The following PDK3 variants were observed in gnomAD, a reference collection of about 807,000 sequenced individuals.
The protein encoded by PDK3 is pyruvate dehydrogenase kinase, isozyme 3.
A neutral mutation model predicts 32.0 loss-of-function variants in PDK3; 12 were observed. The ratio of observed to expected loss-of-function variants is 0.37; its 90% confidence interval spans 0.24 to 0.61. The LOEUF (loss-of-function observed/expected upper bound fraction) is 0.61, where lower values mean the gene tolerates loss of function less well. Among genes scored for constraint, PDK3 ranks in the 20% least tolerant of loss-of-function variants. PDK3 has a pLI of 0.65. For synonymous variants in PDK3, 122 were observed against 116.3 expected, an observed-to-expected ratio of 1.05 and a Z score of -0.31; for missense variants, 188 against 316.9, an observed-to-expected ratio of 0.59 and a Z score of 3.09.
At chrX:24,492,394 G>A (rs1478236296) in intron 1 of PDK3, among the ~76,000 whole-genome samples, 1 of 109,085 alleles carries the variant, frequency 9.2e-6, no homozygotes, top group Non-Finnish European at 1.9e-5. Context: ...TTCGAGACCA[G>A]CCTGGCCAAC....
At chrX:24,529,315 C>CT (rs1441302785) in intron 9 of PDK3, among the ~76,000 whole-genome samples, 1 of 111,595 alleles carries the variant, frequency 9.0e-6, no homozygotes, top group Non-Finnish European at 1.9e-5. Flanking sequence ...TTGTAAGAGA[C>CT]TTTTAACAGT....
intron 2 of PDK3, among the ~76,000 whole-genome samples, chrX:24,498,153 CAT>C (rs1921762642): frequency 8.9e-6 from 1 of 112,289 alleles, no homozygotes; most frequent in African/African-American, 3.2e-5. Flanking sequence ...CAGTGTCACA[CAT>C]GTGTTTCTTA....
chrX:24,469,402 T>C (rs888545249), intron 1 of PDK3, among the ~76,000 whole-genome samples: 3 of 111,042 alleles, frequency 2.7e-5, no homozygotes, highest in Non-Finnish European at 5.7e-5. Flanking sequence ...TGTCAAACTT[T>C]TGATAGGTAA....
At chrX:24,473,180 C>T (rs1315650187) in intron 1 of PDK3, among the ~76,000 whole-genome samples, 1 of 106,404 alleles carries the variant, frequency 9.4e-6, no homozygotes, top group East Asian at 3.2e-4. Context: ...TTGAGACCAT[C>T]CTGGCCAACG....
At chrX:24,479,349 T>C (rs1021140722) in intron 1 of PDK3, among the ~76,000 whole-genome samples, 1 of 112,218 alleles carries the variant, frequency 8.9e-6, no homozygotes, top group African/African-American at 3.2e-5. Flanking sequence ...CTCTAGAAAT[T>C]GCCCTTCATG....
At chrX:24,543,865 C>T (rs751454702) in exon 12 of PDK3, among the ~76,000 whole-genome samples, 1 of 112,188 alleles carries the variant, frequency 8.9e-6, no homozygotes, top group Non-Finnish European at 1.9e-5. Flanking sequence ...TGAGCTCATT[C>T]TTTTTCTAGA....
chrX:24,497,775 A>G (rs1173454900), intron 2 of PDK3, among the ~76,000 whole-genome samples: 2 of 112,465 alleles, frequency 1.8e-5, no homozygotes, highest in East Asian at 5.5e-4. Flanking sequence ...GATTAGTGGC[A>G]ATTAAAGCTT....
chrX:24,524,419 T>G (rs1032111594), intron 6 of PDK3, among the ~76,000 whole-genome samples: 5 of 111,617 alleles, frequency 4.5e-5, no homozygotes, highest in African/African-American at 1.6e-4. Context: ...CGAAATGGCA[T>G]GGACCAACTA....
intron 6 of PDK3, among the ~76,000 whole-genome samples, chrX:24,520,347 A>G (rs1922366874): frequency 8.9e-6 from 1 of 112,273 alleles, no homozygotes; most frequent in Admixed American, 9.5e-5. Flanking sequence ...TAGATAGAAT[A>G]CTATGCAGCC....
chrX:24,479,348 T>C (rs1173623582), intron 1 of PDK3, among the ~76,000 whole-genome samples: 2 of 112,158 alleles, frequency 1.8e-5, no homozygotes, highest in Admixed American at 1.9e-4. Context: ...TCTCTAGAAA[T>C]TGCCCTTCAT....
At chrX:24,488,813 A>T (rs967087386) in intron 1 of PDK3, among the ~76,000 whole-genome samples, 1 of 112,490 alleles carries the variant, frequency 8.9e-6, no homozygotes, top group Admixed American at 9.4e-5. Context: ...TGCATCCACT[A>T]AGTCAGAGTT....
downstream of PDK3, among the ~76,000 whole-genome samples, chrX:24,538,498 G>C (rs915571765): frequency 8.9e-6 from 1 of 111,993 alleles, no homozygotes; most frequent in Admixed American, 9.5e-5. Context: ...TATAATTCTG[G>C]CCGGGCACAG....
chrX:24,521,940 C>G (rs1009518815), intron 6 of PDK3, among the ~76,000 whole-genome samples: 2 of 82,485 alleles, frequency 2.4e-5, no homozygotes, highest in Non-Finnish European at 4.8e-5. Context: ...TGCTAGAGCT[C>G]TCTTGTGAGC....
At chrX:24,546,044 C>G (rs1403352613) in exon 12 of PDK3, 2 of 111,915 alleles carry the variant, frequency 1.8e-5, no homozygotes, top group African/African-American at 6.5e-5. Flanking sequence ...CTCACCTTCA[C>G]GTCGATTGAT....
intron 5 of PDK3, among the ~76,000 whole-genome samples, chrX:24,513,221 AG>A (rs1396294388): frequency 9.0e-6 from 1 of 110,853 alleles, no homozygotes; most frequent in Non-Finnish European, 1.9e-5. Context: ...TTGGAGCGTG[AG>A]GTGTGGGGGC....
chrX:24,535,504 C>CAAA (rs778785042), downstream of PDK3, among the ~76,000 whole-genome samples: 38 of 55,247 alleles, frequency 6.9e-4, no homozygotes, highest in African/African-American at 2.3e-3. Flanking sequence ...GACTCCATCT[C>CAAA]AAAAAAAAAA....
chrX:24,533,967 T>G lies in PDK3; in HGVS notation c.1116T>G (p.Phe372Leu). 4 of 1,207,824 alleles carry G rather than the reference T, an allele frequency of 3.3e-6. No homozygotes were observed. Among genetic ancestry groups the G allele is most frequent in the Non-Finnish European group, 4.5e-6 (4 of 893,210 alleles). ...SSESFERLPV[F>L]NKSAWRHYKT... ...AGTCATTTGAGAGACTTCCAGTTTT[T>G]AATAAGTCCGCATGGCGCCATTACA... The change falls in exon 11 of 11, where the codon TTT becomes TTG. Residue 372 changes from phenylalanine to leucine, a missense_variant. Physicochemically the swap from Phe to Leu is conservative, Grantham distance 22. Coordinates refer to ENST00000379162, the MANE Select transcript of PDK3 (RefSeq NM_005391.5).
intron 4 of PDK3, among the ~76,000 whole-genome samples, chrX:24,504,600 T>C (rs1921936941): frequency 8.9e-6 from 1 of 112,535 alleles, no homozygotes; most frequent in Admixed American, 9.5e-5. Flanking sequence ...CTATAAATAT[T>C]TGGATGCAGA....
chrX:24,481,880 A>G (rs1921269556), intron 1 of PDK3, among the ~76,000 whole-genome samples: 1 of 112,169 alleles, frequency 8.9e-6, no homozygotes, highest in Admixed American at 9.5e-5. Flanking sequence ...TACAGAGATC[A>G]TCTGTAATCT....
Sources: gnomAD v4.1 joint callset for allele counts (sites outside exome capture counted in the v4.1 genomes callset) on GRCh38, gnomAD v4.1.1 for gene constraint, MANE v1.5 for transcripts, NCBI Gene and HGNC (gene_info 2026-07-23, HGNC 2026-07-21) for gene names.